GABRG3: variants seen among roughly 807,000 people sequenced by gnomAD.
The protein encoded by GABRG3 is gamma-aminobutyric acid type A receptor subunit gamma3.
GABRG3 carries 25 observed loss-of-function variants against 48.8 expected under a neutral mutation model. The ratio of observed to expected loss-of-function variants is 0.51; its 90% CI spans 0.37 to 0.72. The LOEUF is 0.72. Among genes scored for constraint, GABRG3 ranks in the 30% least tolerant of loss-of-function variants. The pLI is 0.00. For missense variants in GABRG3, 394 were observed against 577.9 expected (o/e 0.68, Z 3.26); for synonymous variants, 227 against 217.6 (o/e 1.04, Z -0.38).
At chr15:27,010,475 G>C (rs1046805753) in intron 2 of GABRG3, among the ~76,000 whole-genome samples, 5 of 152,124 alleles carry the variant, frequency 3.3e-5, no homozygotes, top group African/African-American at 1.2e-4. Context: ...ATAGCCCCAG[G>C]CATTCCTAAA....
chr15:27,393,344 CAAA>C (rs34689012), intron 5 of GABRG3, among the ~76,000 whole-genome samples: 3 of 112,992 alleles, frequency 2.7e-5, no homozygotes, highest in East Asian at 2.2e-4. Context: ...ACTCCGTCTC[CAAA>C]AAAAAAAAAA....
chr15:27,388,867 AAG>A (rs1201774988), intron 5 of GABRG3, among the ~76,000 whole-genome samples: 1 of 151,336 alleles, frequency 6.6e-6, no homozygotes, highest in Admixed American at 6.6e-5. Flanking sequence ...TGGAGAGAGG[AAG>A]AGAGAGAGAC....
In GABRG3 at chr15:27,465,284, C is replaced by G. The variant is rs149299137; in HGVS notation, c.575-15366C>G. Among the ~76,000 whole-genome samples, 707 of 152,328 alleles carry G rather than the reference C, an allele frequency of 4.6e-3. 5 individuals carry two copies. Among genetic ancestry groups the G allele is most frequent in the African/African-American group, 0.016 (659 of 41,568 alleles). On this transcript the variant is annotated intron_variant, in intron 5 of 9. Transcript: ENST00000615808. ...AGAGTAATGTGTAAGCATGTCTAGA[C>G]TTGCGTTTTCACGTTTTTAAAGCTA...
chr15:27,518,508 T>A (rs1891083326), intron 6 of GABRG3, among the ~76,000 whole-genome samples: 1 of 152,202 alleles, frequency 6.6e-6, no homozygotes, highest in South Asian at 2.1e-4. Context: ...AAGATAGATA[T>A]TGTACCAGTA....
At chr15:27,072,848 G>T (rs1896850660) in intron 3 of GABRG3, among the ~76,000 whole-genome samples, 1 of 152,198 alleles carries the variant, frequency 6.6e-6, no homozygotes, top group African/African-American at 2.4e-5. Context: ...TTAATTCCCA[G>T]GAGAAATTGT....
intron 5 of GABRG3, among the ~76,000 whole-genome samples, chr15:27,476,188 C>A (rs574062262): frequency 1.3e-5 from 2 of 152,186 alleles, no homozygotes; most frequent in African/African-American, 4.8e-5. Context: ...GGGACAACAA[C>A]AAACTCTGGA....
chr15:27,331,034 G>C (rs147138847), intron 5 of GABRG3, among the ~76,000 whole-genome samples: 1 of 152,280 alleles, frequency 6.6e-6, no homozygotes, highest in East Asian at 1.9e-4. Flanking sequence ...AAGAGCAAAA[G>C]TGGGTGTACA....
intron 3 of GABRG3, among the ~76,000 whole-genome samples, chr15:27,299,035 G>A (rs772047403): frequency 1.3e-5 from 2 of 152,118 alleles, no homozygotes; most frequent in Admixed American, 6.6e-5. Context: ...TGTAATCCCC[G>A]CACTTTGAGA....
intron 5 of GABRG3, among the ~76,000 whole-genome samples, chr15:27,344,817 T>G (rs535213875): frequency 2.6e-5 from 4 of 151,972 alleles, no homozygotes; most frequent in East Asian, 1.9e-4. Context: ...TAACAGTGGA[T>G]ATATATATAT....
chr15:27,448,783 A>G (rs1889020124), intron 5 of GABRG3, among the ~76,000 whole-genome samples: 1 of 152,198 alleles, frequency 6.6e-6, no homozygotes, highest in Non-Finnish European at 1.5e-5. Context: ...CCATGCCTGT[A>G]CATGTGTGCA....
chr15:26,982,337 G>A (rs955888588), intron 2 of GABRG3, among the ~76,000 whole-genome samples: 4 of 152,138 alleles, frequency 2.6e-5, no homozygotes, highest in African/African-American at 9.7e-5. Flanking sequence ...CCTGTGGTAG[G>A]CTACAGTGAA....
chr15:27,138,261 A>G (rs538799056), intron 3 of GABRG3, among the ~76,000 whole-genome samples: 1 of 152,314 alleles, frequency 6.6e-6, no homozygotes, highest in African/African-American at 2.4e-5. Flanking sequence ...ACTGTGGGTT[A>G]GTCATGCCCC....
At chr15:27,407,734 A>G (rs1393208442) in intron 5 of GABRG3, among the ~76,000 whole-genome samples, 1 of 152,216 alleles carries the variant, frequency 6.6e-6, no homozygotes, top group Non-Finnish European at 1.5e-5. Context: ...TATGATTCTA[A>G]CTATATGGCA....
chr15:27,343,115 T>C (rs1894247239), intron 5 of GABRG3, among the ~76,000 whole-genome samples: 1 of 152,326 alleles, frequency 6.6e-6, no homozygotes, highest in Non-Finnish European at 1.5e-5. Context: ...GGCTCATGGA[T>C]GGTACTGTGC....
chr15:26,996,209 GT>G (rs1378706331), intron 2 of GABRG3, among the ~76,000 whole-genome samples: 1 of 151,244 alleles, frequency 6.6e-6, no homozygotes, highest in Admixed American at 6.6e-5. Context: ...AGGGCTTTTT[GT>G]TTTTTTTGTT....
intron 2 of GABRG3, among the ~76,000 whole-genome samples, chr15:26,997,263 G>T (rs1895359927): frequency 6.6e-6 from 1 of 151,836 alleles, no homozygotes; most frequent in East Asian, 1.9e-4. Flanking sequence ...GTTTCCTTGA[G>T]TTCTTTGAAC....
intron 5 of GABRG3, among the ~76,000 whole-genome samples, chr15:27,439,562 G>C (rs1888720694): frequency 6.6e-6 from 1 of 152,126 alleles, no homozygotes; most frequent in Non-Finnish European, 1.5e-5. Context: ...ATTCCCACGG[G>C]GGTCCATGTA....
chr15:27,058,899 G>T (rs1480477738), intron 3 of GABRG3, among the ~76,000 whole-genome samples: 1 of 152,142 alleles, frequency 6.6e-6, no homozygotes, highest in Non-Finnish European at 1.5e-5. Flanking sequence ...TAGACTAAAT[G>T]CAACCGTCAT....
At chr15:27,305,515 CATAT>C (rs1029737277) in intron 3 of GABRG3, among the ~76,000 whole-genome samples, 1 of 144,808 alleles carries the variant, frequency 6.9e-6, no homozygotes, top group African/African-American at 2.5e-5. Flanking sequence ...CATATATAAA[CATAT>C]ATATAATATA....
Sources: gnomAD v4.1 joint callset for allele counts (sites outside exome capture counted in the v4.1 genomes callset) on GRCh38, gnomAD v4.1.1 for gene constraint, MANE v1.5 for transcripts, NCBI Gene and HGNC (gene_info 2026-07-23, HGNC 2026-07-21) for gene names.